The following SOS2 variants were observed in gnomAD, a reference collection of about 807,000 sequenced individuals.
The protein encoded by SOS2 is son of sevenless homolog 2.
Under a neutral mutation model 148.2 loss-of-function variants are expected in SOS2, and 65 were observed. That is an observed-to-expected ratio of 0.44 (90% CI 0.36 to 0.54). The LOEUF (loss-of-function observed/expected upper bound fraction) is 0.54. Ranked by LOEUF, SOS2 falls within the 20% of genes least tolerant of loss-of-function variation. The pLI, the probability that SOS2 is intolerant of heterozygous loss-of-function variation, is 0.00. For missense variants in SOS2, 1,341 were observed against 1,590.2 expected (o/e 0.84, Z 2.67); for synonymous variants, 539 against 537.1 (o/e 1.00, Z -0.05).
chr14:50,118,594 C>G lies in SOS2; in HGVS notation c.3749G>C (p.Arg1250Thr). The G allele has an allele frequency of 1.2e-6, 2 of 1,614,138 alleles. No homozygotes were observed. The highest frequency in any genetic ancestry group is 1.7e-6 in the Non-Finnish European group (2 of 1,180,026). The change falls in exon 23 of 23, where the codon AGA (arginine) becomes ACA (threonine). Residue 1250 changes from arginine (R) to threonine (T), a missense_variant. Physicochemically the swap from Arg to Thr is moderately conservative, Grantham distance 71 (BLOSUM62 -1). Transcript: ENST00000216373. Reference sequence around the variant, plus strand: ...CGAATTTGGACACGTACTAATGTCTCTGAGCCAGTCTGAATCTCTGTGAAG... The same window carrying G: ...CGAATTTGGACACGTACTAATGTCTGTGAGCCAGTCTGAATCTCTGTGAAG... Reference protein sequence around the residue: ...GHLHRDSDWLRDISTCPNSPS... With the variant: ...GHLHRDSDWLTDISTCPNSPS...
At chr14:50,160,153 T>C (rs1884948937) in intron 9 of SOS2, 67 bp from the exon 10 acceptor site, 3 of 1,242,520 alleles carry the variant, frequency 2.4e-6, no homozygotes, top group African/African-American at 3.0e-5. Context: ...GCATAAACCA[T>C]CTCAAATCAA....
At chr14:50,183,560 T>C (rs146275313) in intron 5 of SOS2, among the ~76,000 whole-genome samples, 1 of 152,302 alleles carries the variant, frequency 6.6e-6, no homozygotes, top group East Asian at 1.9e-4. Context: ...TTTTTTTAAA[T>C]CTAAAACCTC....
At chr14:50,226,454 G>A (rs561008907) in intron 1 of SOS2, among the ~76,000 whole-genome samples, 1 of 152,134 alleles carries the variant, frequency 6.6e-6, no homozygotes, top group Non-Finnish European at 1.5e-5. Context: ...TACAAACGCA[G>A]AAACACTAGG....
intron 1 of SOS2, among the ~76,000 whole-genome samples, chr14:50,212,807 T>G (rs535075215): frequency 9.9e-5 from 15 of 152,250 alleles, no homozygotes; most frequent in African/African-American, 3.6e-4. Flanking sequence ...CCTACAAGAC[T>G]GGGAGGACAG....
intron 3 of SOS2, 39 bp from the exon 4 acceptor site, chr14:50,199,894 A>G (rs374636107): frequency 2.3e-6 from 3 of 1,329,120 alleles, no homozygotes; most frequent in Non-Finnish European, 3.2e-6. Flanking sequence ...AAAATGTAGC[A>G]CTGTCAAGTA....
At chr14:50,205,452 AC>A (rs906594317) in intron 1 of SOS2, among the ~76,000 whole-genome samples, 4 of 151,466 alleles carry the variant, frequency 2.6e-5, no homozygotes, top group Admixed American at 6.6e-5. Flanking sequence ...GTAATTTAAA[AC>A]CCTCCCCACA....
intron 7 of SOS2, among the ~76,000 whole-genome samples, chr14:50,179,601 G>C (rs1175401334): frequency 6.6e-6 from 1 of 151,884 alleles, no homozygotes; most frequent in Non-Finnish European, 1.5e-5. Context: ...CTGGGTCCAA[G>C]CAATCCTCTG....
chr14:50,162,657 G>A (rs774689680), intron 8 of SOS2, among the ~76,000 whole-genome samples: 9 of 152,000 alleles, frequency 5.9e-5, no homozygotes, highest in African/African-American at 2.2e-4. Flanking sequence ...AAACTTTTCC[G>A]TAAACAGCAT....
intron 1 of SOS2, among the ~76,000 whole-genome samples, chr14:50,213,995 T>G (rs567491381): frequency 6.6e-6 from 1 of 151,924 alleles, no homozygotes; most frequent in East Asian, 1.9e-4. Flanking sequence ...AATAGCAATA[T>G]AAGCACTTTT....
At chr14:50,166,319 T>A (rs1594986008) in intron 8 of SOS2, among the ~76,000 whole-genome samples, 1 of 151,886 alleles carries the variant, frequency 6.6e-6, no homozygotes, top group Non-Finnish European at 1.5e-5. Flanking sequence ...ATGTCCCGGG[T>A]TCAAGCGATC....
intron 1 of SOS2, among the ~76,000 whole-genome samples, chr14:50,218,441 C>T (rs576992152): frequency 7.2e-4 from 109 of 151,352 alleles, no homozygotes; most frequent in Non-Finnish European, 1.3e-3. Context: ...AAGAATCGCT[C>T]GAACCCGGAA....
intron 1 of SOS2, among the ~76,000 whole-genome samples, chr14:50,213,617 G>A (rs1299177336): frequency 6.6e-6 from 1 of 152,010 alleles, no homozygotes; most frequent in Non-Finnish European, 1.5e-5. Flanking sequence ...GTTGAGGTGA[G>A]TGGAGATTGT....
intron 21 of SOS2, among the ~76,000 whole-genome samples, chr14:50,124,182 T>C (rs1428807651): frequency 6.6e-6 from 1 of 152,118 alleles, no homozygotes; most frequent in African/African-American, 2.4e-5. Context: ...AACTTGGGAA[T>C]TATCATCATG....
intron 18 of SOS2, among the ~76,000 whole-genome samples, chr14:50,136,999 G>C (rs1294479401): frequency 6.6e-6 from 1 of 152,120 alleles, no homozygotes; most frequent in Non-Finnish European, 1.5e-5. Flanking sequence ...TAGGAGGGTG[G>C]AAGTAATGGT....
rs533827101 is a variant in SOS2, at chr14:50,215,769, G to A, written c.88-11360C>T. Among the ~76,000 whole-genome samples, 7 of 152,084 alleles carry A rather than the reference G, an allele frequency of 4.6e-5. 1 individual carries two copies. In the South Asian group the frequency reaches 1.5e-3, roughly 32 times the overall value. ...AAATAGTCTCATACTATAAATCCATGTGTAGACACACACAAAAGCACTTTA... is the reference window on the plus strand; with the variant it reads ...AAATAGTCTCATACTATAAATCCATATGTAGACACACACAAAAGCACTTTA... On this transcript the variant is annotated intron_variant, in intron 1 of 22. Transcript: ENST00000216373.
At chr14:50,215,139 T>C (rs1422881152) in intron 1 of SOS2, among the ~76,000 whole-genome samples, 1 of 151,922 alleles carries the variant, frequency 6.6e-6, no homozygotes, top group African/African-American at 2.4e-5. Flanking sequence ...CCCGGCAAGG[T>C]TGTTTCTTAT....
At chr14:50,217,622 A>T (rs1157313277) in intron 1 of SOS2, among the ~76,000 whole-genome samples, 1 of 152,168 alleles carries the variant, frequency 6.6e-6, no homozygotes, top group Non-Finnish European at 1.5e-5. Flanking sequence ...CCTTGATATG[A>T]CACTAATGGC....
At chr14:50,194,040 C>T (rs566623736) in intron 4 of SOS2, among the ~76,000 whole-genome samples, 2 of 152,236 alleles carry the variant, frequency 1.3e-5, no homozygotes, top group East Asian at 1.9e-4. Context: ...CCACCACGCC[C>T]GGCCAAGTCA....
intron 1 of SOS2, among the ~76,000 whole-genome samples, chr14:50,207,157 A>C (rs1886687911): frequency 6.6e-6 from 1 of 152,170 alleles, no homozygotes; most frequent in South Asian, 2.1e-4. Context: ...TTAAAAAGAT[A>C]CTCTCCAATT....
Sources: gnomAD v4.1 joint callset for allele counts (sites outside exome capture counted in the v4.1 genomes callset) on GRCh38, gnomAD v4.1.1 for gene constraint, MANE v1.5 for transcripts, NCBI Gene and HGNC (gene_info 2026-07-23, HGNC 2026-07-21) for gene names.